The following SH3TC1 variants were observed in gnomAD, a reference collection of about 807,000 sequenced individuals.
SH3TC1 encodes the protein SH3 domain and tetratricopeptide repeat-containing protein 1.
Under a neutral mutation model 117.3 loss-of-function variants are expected in SH3TC1, and 135 were observed. The ratio of observed to expected loss-of-function variants is 1.15; its 90% CI spans 1.00 to 1.33. The LOEUF is 1.33. Ranked by LOEUF, SH3TC1 falls within the 40% of genes most tolerant of loss-of-function variation. The pLI, the probability that SH3TC1 is intolerant of heterozygous loss-of-function variation, is 0.00. For synonymous variants in SH3TC1, 898 were observed against 816.9 expected, an observed-to-expected ratio of 1.10 and a Z score of -1.69; for missense variants, 2,092 against 1,794.3, an observed-to-expected ratio of 1.17 and a Z score of -3.00.
In SH3TC1 at chr4:8,186,552, G is replaced by A. The variant is rs569368105; in HGVS notation, c.-57+4342G>A. On this transcript the variant is annotated intron_variant, in intron 1 of 16. Coordinates refer to the SH3TC1 transcript ENST00000508641. This position sits in a 1 kb window ranked among gnomAD's most constrained non-coding sequence, Gnocchi z 5.2. ...GCAGGTGTGAGATGGTCATCACGGGGGAGGCTGATGGGAGTTTATGCCAAT... is the reference window on the plus strand; with the variant it reads ...GCAGGTGTGAGATGGTCATCACGGGAGAGGCTGATGGGAGTTTATGCCAAT... 6.6e-6 allele frequency among the ~76,000 whole-genome samples: 1 copy of A among 152,312 alleles called. No individual in the cohort carries two copies. Among genetic ancestry groups the A allele is most frequent in the East Asian group, 1.9e-4 (1 of 5,194 alleles).
chr4:8,216,903 C>T (rs1719337211), intron 6 of SH3TC1, 54 bp from the exon 7 acceptor site: 12 of 1,578,254 alleles, frequency 7.6e-6, no homozygotes, highest in African/African-American at 1.3e-5. Context: ...GGGGGCAGGG[C>T]CACAGCTGCG....
intron 13 of SH3TC1, chr4:8,233,127 C>T (rs968012245): frequency 2.4e-5 from 33 of 1,358,654 alleles, no homozygotes; most frequent in Non-Finnish European, 3.0e-5. Context: ...AGCACGCTCC[C>T]CCAGCCACAG....
At chr4:8,230,782 G>A (rs988468116) in intron 12 of SH3TC1, among the ~76,000 whole-genome samples, 2 of 79,228 alleles carry the variant, frequency 2.5e-5, no homozygotes, top group Non-Finnish European at 4.9e-5. Context: ...GATATGCTGT[G>A]CTTTTTTTTT....
intron 1 of SH3TC1, among the ~76,000 whole-genome samples, chr4:8,191,308 G>A (rs942774049): frequency 6.6e-5 from 10 of 152,176 alleles, no homozygotes; most frequent in African/African-American, 1.7e-4. Context: ...CGGCCAGTTC[G>A]GGGGTGGGTG....
intron 14 of SH3TC1, among the ~76,000 whole-genome samples, chr4:8,234,271 C>T (rs1264278480): frequency 6.6e-6 from 1 of 151,894 alleles, no homozygotes; most frequent in Admixed American, 6.6e-5. Context: ...GTCCACCCAT[C>T]CATTTATCCA....
chr4:8,214,603 A>G, intron 5 of SH3TC1, 23 bp downstream of exon 5: 1 of 1,601,870 alleles, frequency 6.2e-7, no homozygotes, highest in South Asian at 1.1e-5. Flanking sequence ...CCCTCCCAGA[A>G]TTGGTCATGG....
chr4:8,236,278 G>C lies in SH3TC1; in HGVS notation c.3406G>C (p.Asp1136His), dbSNP rs1721804356. 1 of 1,549,538 alleles carries C rather than the reference G, an allele frequency of 6.5e-7. No homozygotes were observed. Among genetic ancestry groups the C allele is most frequent in the Admixed American group, 1.9e-5 (1 of 51,430 alleles). ...EREKAVSFYR[D>H]RALPLAVTTG... ...CTGACCCCACCTGCCTGTGTGGCAG[G>C]ACCGGGCCCTGCCCCTGGCAGTGAC... Residue 1136 changes from aspartate (D) to histidine (H), a missense_variant and splice_region_variant, in exon 16 of 18, where the codon GAC (aspartate) becomes CAC (histidine). Transcript: ENST00000245105.
chr4:8,223,109 A>C lies in SH3TC1; in HGVS notation c.1243+139A>C, dbSNP rs563361588. On this transcript the variant is annotated intron_variant, in intron 10 of 17. Transcript: ENST00000245105. Reference sequence around the variant, plus strand: ...ACAGACAGAGGCTGCCGCTGCCTCCAGGGCACATAGGGGCTGCAGACAAGC... The same window carrying C: ...ACAGACAGAGGCTGCCGCTGCCTCCCGGGCACATAGGGGCTGCAGACAAGC... 3.3e-6 allele frequency: 4 copies of C among 1,209,166 alleles called. No individual in the cohort carries two copies. The South Asian group carries it at 4.7e-5, about 14-fold the overall frequency. The allele number at this position is 1,209,166 out of a possible 1,614,324, so 74.9% of individuals were successfully genotyped here.
chr4:8,239,318 C>T (rs1406430924), intron 17 of SH3TC1, among the ~76,000 whole-genome samples: 1 of 146,370 alleles, frequency 6.8e-6, no homozygotes, highest in Non-Finnish European at 1.5e-5. Context: ...CAGGCACAGG[C>T]ACAGAGACAC....
chr4:8,239,569 A>C (rs2152999743), intron 17 of SH3TC1, among the ~76,000 whole-genome samples: 1 of 149,300 alleles, frequency 6.7e-6, no homozygotes, highest in East Asian at 2.0e-4. Flanking sequence ...TGCACACGCA[A>C]ATGCACAGAG....
chr4:8,227,236 C>T lies in SH3TC1; in HGVS notation c.1542C>T (p.Ser514=), dbSNP rs1219570011. ...TGAACGCCCCTGGGTACAAGGCCAG[C>T]TTCCGTGGCCTGTACGATGTGGCGC... ...LFLNAPGYKA[S]FRGLYDVALP... Residue 514 remains serine (S), a synonymous_variant, in exon 12 of 18, where the codon AGC becomes AGT. Coordinates refer to ENST00000245105, the MANE Select transcript of SH3TC1 (RefSeq NM_018986.5). The T allele has an allele frequency of 2.5e-6, 4 of 1,581,032 alleles. No individual in the cohort carries two copies. Among genetic ancestry groups the T allele is most frequent in the Non-Finnish European group, 3.4e-6 (4 of 1,162,208 alleles).
intron 9 of SH3TC1, among the ~76,000 whole-genome samples, chr4:8,220,638 C>A (rs1168362077): frequency 6.6e-6 from 1 of 152,210 alleles, no homozygotes; most frequent in African/African-American, 2.4e-5. Context: ...AATGTGGGTG[C>A]ATGGAGAGGC....
At chr4:8,238,475 T>C (rs989712948) in intron 17 of SH3TC1, among the ~76,000 whole-genome samples, 1 of 152,144 alleles carries the variant, frequency 6.6e-6, no homozygotes, top group Non-Finnish European at 1.5e-5. Flanking sequence ...TCGGTGCTCG[T>C]TGTGGGCTGG....
rs1473343919 is a variant in SH3TC1, at chr4:8,217,049, T to TC, written c.722dup (p.Ala243GlyfsTer42). The TC allele has an allele frequency of 6.2e-7, 1 of 1,613,180 alleles. No individual in the cohort carries two copies. Among genetic ancestry groups the TC allele is most frequent in the Non-Finnish European group, 8.5e-7 (1 of 1,179,664 alleles). ...TGGCCCCCAGGCCCTCAGGCAGGCT[T>TC]CGGGGGCACCCCAGGGAGAGGCGGC... On this transcript the variant is annotated frameshift_variant, in exon 7 of 18. Transcript: ENST00000245105. LOFTEE classifies it high-confidence loss of function.
intron 17 of SH3TC1, among the ~76,000 whole-genome samples, chr4:8,239,446 G>A (rs1039001286): frequency 4.9e-5 from 7 of 142,026 alleles, no homozygotes; most frequent in African/African-American, 7.9e-5. Flanking sequence ...ACACGGACAC[G>A]CACACGCAGA....
intron 13 of SH3TC1, chr4:8,232,794 G>C: frequency 7.8e-7 from 1 of 1,287,984 alleles, no homozygotes. Context: ...CGGGAGATCG[G>C]CTCCAGCCTT....
chr4:8,228,178 G>T lies in SH3TC1; in HGVS notation c.2484G>T (p.Leu828=). The change falls in exon 12 of 18, where the codon CTG becomes CTT. Residue 828 remains leucine (L), a synonymous_variant. Coordinates refer to ENST00000245105, the MANE Select transcript of SH3TC1 (RefSeq NM_018986.5). The part of the protein sequence containing the change: ...IAGVRAIVDH[L]VALAWLHVLH... ...GAGTCCGTGCCATCGTGGACCACCT[G>T]GTGGCCCTGGCCTGGCTGCACGTGC... is the stretch of plus-strand genomic sequence containing the variant. 6.2e-7 allele frequency: 1 copy of T among 1,611,090 alleles called. No homozygotes were observed. The highest frequency in any genetic ancestry group is 2.2e-5 in the East Asian group (1 of 44,824).
chr4:8,193,512 G>C (rs1170014402), intron 1 of SH3TC1, among the ~76,000 whole-genome samples: 1 of 152,132 alleles, frequency 6.6e-6, no homozygotes, highest in Non-Finnish European at 1.5e-5. Flanking sequence ...TCTCAGCCCA[G>C]ATGCCTCCTC....
At chr4:8,222,795 C>T in intron 9 of SH3TC1, 45 bp from the exon 10 acceptor site, 1 of 1,593,810 alleles carries the variant, frequency 6.3e-7, no homozygotes, top group South Asian at 1.1e-5. Context: ...GAAATGCTGA[C>T]TTTGCAAATA....
Sources: allele counts gnomAD v4.1 joint callset (sites outside exome capture counted in the v4.1 genomes callset), GRCh38; gene constraint gnomAD v4.1.1; non-coding constraint Gnocchi (gnomAD v3.1); transcripts MANE v1.5; gene names NCBI Gene and HGNC (gene_info 2026-07-23, HGNC 2026-07-21).